Variants in HDAC9 observed in about 807,000 individuals in gnomAD.
The protein encoded by HDAC9 is histone deacetylase 9.
Under a neutral mutation model 139.4 loss-of-function variants are expected in HDAC9, and 41 were observed. The ratio of observed to expected loss-of-function variants is 0.29; its 90% CI spans 0.23 to 0.38. The LOEUF (loss-of-function observed/expected upper bound fraction) is 0.38. Among genes scored for constraint, HDAC9 ranks in the 10% least tolerant of loss-of-function variants. The pLI is 1.00. For missense variants in HDAC9, 1,147 were observed against 1,297.0 expected (o/e 0.88, Z 1.78); for synonymous variants, 517 against 476.2 (o/e 1.09, Z -1.12).
chr7:18,548,744 A>C (rs1303122803), intron 2 of HDAC9, among the ~76,000 whole-genome samples: 2 of 152,224 alleles, frequency 1.3e-5, no homozygotes, highest in African/African-American at 4.8e-5. Context: ...ACTGAGGAGG[A>C]TATACAAATA....
At chr7:18,451,657 A>G (rs1178783336) in intron 1 of HDAC9, among the ~76,000 whole-genome samples, 2 of 151,596 alleles carry the variant, frequency 1.3e-5, no homozygotes, top group Non-Finnish European at 2.9e-5. Context: ...TTATGTGGAT[A>G]TTATTTGTAT....
At chr7:18,255,442 T>G (rs193052755) in intron 2 of HDAC9, among the ~76,000 whole-genome samples, 10 of 152,234 alleles carry the variant, frequency 6.6e-5, no homozygotes, top group Non-Finnish European at 1.5e-4. Context: ...GAGCATGGTA[T>G]GAGCAAGACA....
intron 6 of HDAC9, among the ~76,000 whole-genome samples, chr7:18,614,450 C>G (rs952736056): frequency 2.0e-5 from 3 of 152,042 alleles, no homozygotes; most frequent in Admixed American, 2.0e-4. Context: ...TCTGTCTTTT[C>G]CCCCACCTAC....
In HDAC9 at chr7:18,131,300, A is replaced by G. The variant is rs560056401; in HGVS notation, c.-96-30929A>G. Among the ~76,000 whole-genome samples, 144 of 152,280 alleles carry G rather than the reference A, an allele frequency of 9.5e-4. 1 individual carries two copies. The highest frequency in any genetic ancestry group is 3.3e-3 in the African/African-American group (138 of 41,568). ...GATGATTCAGTGCCCAATATTTGTT[A>G]GTATGAACTTAAAAAATATTGATTG... On this transcript the variant is annotated intron_variant, in intron 1 of 12. Transcript: ENST00000417496.
intron 13 of HDAC9, among the ~76,000 whole-genome samples, chr7:18,732,965 G>GTA (rs1164470032): frequency 7.2e-5 from 10 of 138,570 alleles, no homozygotes; most frequent in Admixed American, 1.4e-4. Flanking sequence ...GTGTGTGTAT[G>GTA]TGTATATACA....
At chr7:18,929,806 G>T (rs1392339875) in intron 22 of HDAC9, among the ~76,000 whole-genome samples, 1 of 151,956 alleles carries the variant, frequency 6.6e-6, no homozygotes, top group African/African-American at 2.4e-5. Context: ...TGGGTGTGGT[G>T]GTGCACGCCT....
intron 2 of HDAC9, among the ~76,000 whole-genome samples, chr7:18,511,450 T>A (rs1000775089): frequency 6.6e-6 from 1 of 152,100 alleles, no homozygotes; most frequent in African/African-American, 2.4e-5. Flanking sequence ...CAAACTAAAT[T>A]GCCAGGTACA....
chr7:18,854,147 G>T (rs1470875549), intron 21 of HDAC9, among the ~76,000 whole-genome samples: 1 of 152,112 alleles, frequency 6.6e-6, no homozygotes, highest in Non-Finnish European at 1.5e-5. Context: ...TGCTATGTGG[G>T]AAGACTTCAC....
intron 17 of HDAC9, among the ~76,000 whole-genome samples, chr7:18,815,265 A>AT (rs71553935): frequency 3.6e-4 from 54 of 151,206 alleles, no homozygotes; most frequent in African/African-American, 1.2e-3. Flanking sequence ...AAAATATCTG[A>AT]TTTTTTTTTG....
chr7:18,991,243 A>T (rs912067968), intron 25 of HDAC9, among the ~76,000 whole-genome samples: 1 of 152,254 alleles, frequency 6.6e-6, no homozygotes, highest in Non-Finnish European at 1.5e-5. Context: ...ATGAAAAAGA[A>T]AAATGAATGA....
chr7:18,929,451 C>T (rs1346280227), intron 22 of HDAC9, among the ~76,000 whole-genome samples: 2 of 152,000 alleles, frequency 1.3e-5, no homozygotes, highest in Non-Finnish European at 1.5e-5. Context: ...TTCAGCTCCA[C>T]TTGGTCATCA....
chr7:18,335,559 G>A (rs1781523480), intron 1 of HDAC9, among the ~76,000 whole-genome samples: 1 of 151,546 alleles, frequency 6.6e-6, no homozygotes, highest in Non-Finnish European at 1.5e-5. Flanking sequence ...GCCTGGGAGA[G>A]TAAAAGGGCA....
chr7:18,909,507 T>G (rs1452765905), intron 22 of HDAC9, among the ~76,000 whole-genome samples: 1 of 152,034 alleles, frequency 6.6e-6, no homozygotes, highest in Non-Finnish European at 1.5e-5. Context: ...TTTCTTTTAG[T>G]AGTTTCGTAG....
intron 22 of HDAC9, among the ~76,000 whole-genome samples, chr7:18,914,266 G>A (rs898676519): frequency 1.3e-5 from 2 of 151,382 alleles, no homozygotes; most frequent in Non-Finnish European, 2.9e-5. Context: ...TGAGAAATAC[G>A]TCTTTGTTGT....
intron 2 of HDAC9, among the ~76,000 whole-genome samples, chr7:18,259,105 G>A (rs1444935415): frequency 6.6e-6 from 1 of 151,806 alleles, no homozygotes; most frequent in Admixed American, 6.6e-5. Flanking sequence ...CAGTAGCTGG[G>A]ATTACAGACA....
intron 11 of HDAC9, among the ~76,000 whole-genome samples, chr7:18,652,675 C>T (rs1351562410): frequency 6.6e-6 from 1 of 151,966 alleles, no homozygotes; most frequent in Admixed American, 6.6e-5. Context: ...TGATTCATGC[C>T]TAGCAGTTTC....
chr7:18,581,915 A>C (rs1459284158), intron 2 of HDAC9, among the ~76,000 whole-genome samples: 1 of 152,222 alleles, frequency 6.6e-6, no homozygotes, highest in African/African-American at 2.4e-5. Flanking sequence ...ACTATAGTTC[A>C]TTTATAAATT....
intron 22 of HDAC9, among the ~76,000 whole-genome samples, chr7:18,902,107 A>G (rs1026715626): frequency 4.6e-5 from 7 of 152,198 alleles, no homozygotes; most frequent in African/African-American, 1.7e-4. Context: ...AGCCTCTGGA[A>G]TGAGTCTCAG....
chr7:18,840,703 C>T (rs1287723207), intron 21 of HDAC9, among the ~76,000 whole-genome samples: 5 of 151,900 alleles, frequency 3.3e-5, no homozygotes, highest in Non-Finnish European at 5.9e-5. Context: ...TACAAGCAGC[C>T]CAGTGTCTAT....
Sources: allele counts gnomAD v4.1 joint callset (sites outside exome capture counted in the v4.1 genomes callset), GRCh38; gene constraint gnomAD v4.1.1; transcripts MANE v1.5; gene names NCBI Gene and HGNC (gene_info 2026-07-23, HGNC 2026-07-21).